Variants in PCDH11X observed in about 807,000 individuals in gnomAD.
PCDH11X encodes protocadherin-11 X-linked.
In PCDH11X, 18 loss-of-function variants were observed where a neutral mutation model predicts 53.3. The ratio of observed to expected loss-of-function variants is 0.34; its 90% CI spans 0.23 to 0.50. The LOEUF is 0.50. Ranked by LOEUF, PCDH11X falls within the 20% of genes least tolerant of loss-of-function variation. The pLI is 0.98. For synonymous variants in PCDH11X, 279 were observed against 393.3 expected (o/e 0.71, Z 3.44); for missense variants, 570 against 1,032.4 (o/e 0.55, Z 6.14).
At chrX:92,389,726 G>C (rs1302173770) in intron 9 of PCDH11X, among the ~76,000 whole-genome samples, 2 of 110,782 alleles carry the variant, frequency 1.8e-5, no homozygotes, top group African/African-American at 6.5e-5. Flanking sequence ...GAAATAAGTA[G>C]TTGTTTTAAA....
chrX:91,999,338 G>C (rs1028036658), intron 6 of PCDH11X, among the ~76,000 whole-genome samples: 1 of 111,549 alleles, frequency 9.0e-6, no homozygotes, highest in African/African-American at 3.3e-5. Context: ...ATTCAGTGCA[G>C]TTCTTTAAAG....
chrX:92,125,266 A>G lies in PCDH11X; in HGVS notation c.3034-76109A>G, dbSNP rs760735791. On this transcript the variant is annotated intron_variant, in intron 6 of 10. Transcript: ENST00000682573. The stretch of plus-strand genomic sequence containing the variant: ...CATTAAAAAATTACAATGGTAATGC[A>G]TGCAATAAAGTTATTCATATTGATT... 3.5e-3 allele frequency among the ~76,000 whole-genome samples: 393 copies of G among 111,816 alleles called. 2 individuals carry two copies. Among genetic ancestry groups the G allele is most frequent in the Non-Finnish European group, 6.2e-3 (330 of 53,197 alleles).
intron 5 of PCDH11X, among the ~76,000 whole-genome samples, chrX:91,865,018 T>G (rs1602386592): frequency 9.0e-6 from 1 of 111,160 alleles, no homozygotes; most frequent in East Asian, 2.9e-4. Context: ...TTGTCCTGGG[T>G]GACTTATTTA....
Position 91,876,937 on chromosome X carries a change from G to A in PCDH11X, c.697G>A (p.Ala233Thr). Reference protein sequence around the residue: ...DGGFPQRSSTAILQVSVTDTN... With the variant: ...DGGFPQRSSTTILQVSVTDTN... ...TGGCTTTCCTCAAAGATCCAGTACT[G>A]CTATTTTGCAAGTGAGTGTTACTGA... Residue 233 changes from alanine (A) to threonine (T), a missense_variant, in exon 6 of 11, where the codon GCT becomes ACT. By Grantham distance (58) the Ala-to-Thr change is moderately conservative. This residue lies in a region of PCDH11X where 15 missense variants were observed against 28.4 expected (regional missense o/e 0.53). Coordinates refer to ENST00000682573, the MANE Select transcript of PCDH11X (RefSeq NM_032968.5). 9 of 1,211,268 alleles carry A rather than the reference G, an allele frequency of 7.4e-6. No individual in the cohort carries two copies. The highest frequency in any genetic ancestry group is 1.0e-5 in the Non-Finnish European group (9 of 895,378).
At chrX:92,341,189 G>A (rs962928284) in intron 8 of PCDH11X, among the ~76,000 whole-genome samples, 9 of 111,588 alleles carry the variant, frequency 8.1e-5, no homozygotes, top group South Asian at 3.8e-4. Context: ...CTGCGAACAC[G>A]GCAGCCTGTA....
Position 92,210,674 on chromosome X carries a change from T to A in PCDH11X, c.3114+9219T>A, listed in dbSNP as rs2066569132. On this transcript the variant is annotated intron_variant, in intron 7 of 10. Transcript: ENST00000682573. ...GTTTATGCAAGTGAATATAGGCTCT[T>A]AGAAGCAGCCTGGTCACACCTTGAA... is the stretch of plus-strand genomic sequence containing the variant. Among the ~76,000 whole-genome samples, 4 of 112,030 alleles carry A rather than the reference T, an allele frequency of 3.6e-5. No individual in the cohort carries two copies. The Admixed American group carries it at 3.8e-4, about 11-fold the overall frequency.
intron 6 of PCDH11X, among the ~76,000 whole-genome samples, chrX:92,063,038 T>C (rs1320931192): frequency 1.8e-5 from 2 of 110,964 alleles, no homozygotes; most frequent in African/African-American, 6.6e-5. Flanking sequence ...TCATGTCCTT[T>C]GCAGGGACGT....
At chrX:92,366,424 A>C (rs1219241220) in intron 8 of PCDH11X, among the ~76,000 whole-genome samples, 2 of 110,802 alleles carry the variant, frequency 1.8e-5, no homozygotes, top group African/African-American at 6.6e-5. Flanking sequence ...TTTTAAAAAA[A>C]TCTTTTCATA....
chrX:92,280,616 T>A (rs955089753), intron 8 of PCDH11X, among the ~76,000 whole-genome samples: 11 of 110,680 alleles, frequency 9.9e-5, no homozygotes, highest in African/African-American at 3.3e-4. Context: ...ATTGTTCAGT[T>A]CTGAATCTTT....
Position 91,893,160 on chromosome X carries a change from A to C in PCDH11X, c.3033+13887A>C, listed in dbSNP as rs1183989968. On this transcript the variant is annotated intron_variant, in intron 6 of 10. Coordinates refer to ENST00000682573, the MANE Select transcript of PCDH11X (RefSeq NM_032968.5). ...CTGTAAACATCAGTTTCTGGAAACT[A>C]TTCCCAGAAAATTGTTACATTGCTT... Among the ~76,000 whole-genome samples, 27 of 110,569 alleles carry C rather than the reference A, an allele frequency of 2.4e-4. 2 individuals are homozygous for C. The highest frequency in any genetic ancestry group is 3.6e-4 in the Non-Finnish European group (19 of 52,954).
intron 6 of PCDH11X, among the ~76,000 whole-genome samples, chrX:92,017,652 C>G (rs1202020385): frequency 9.8e-6 from 1 of 101,938 alleles, no homozygotes; most frequent in African/African-American, 3.6e-5. Flanking sequence ...AGCTGAGAAG[C>G]CAAGATGGTG....
Position 91,879,938 on chromosome X carries a change from A to ACT in PCDH11X, c.3033+665_3033+666insCT, listed in dbSNP as rs1406668852. 7.1e-6 allele frequency: 5 copies of ACT among 706,712 alleles called. No homozygotes were observed. The African/African-American group carries it at 1.0e-4, about 15-fold the overall frequency. The allele number at this position is 706,712 out of a possible 1,213,427, so 58.2% of individuals were successfully genotyped here. ...AATGAAATATATATGAGGTCTCTGG[A>ACT]TAGCTATTTAAATATTTGCATATTT... On this transcript the variant is annotated intron_variant, in intron 6 of 10. Coordinates refer to ENST00000682573, the MANE Select transcript of PCDH11X (RefSeq NM_032968.5).
At chrX:92,379,624 G>T (rs375640915) in intron 8 of PCDH11X, among the ~76,000 whole-genome samples, 43,712 of 108,295 alleles carry the variant, frequency 0.4, 7,293 homozygotes, top group Non-Finnish European at 0.49. Flanking sequence ...GTCAGAGAAG[G>T]CCTGAAGCCT....
Position 91,855,827 on chromosome X carries a change from T to C in PCDH11X, c.540+19783T>C, listed in dbSNP as rs1282351644. Among the ~76,000 whole-genome samples, 3 of 111,757 alleles carry C rather than the reference T, an allele frequency of 2.7e-5. No individual in the cohort carries two copies. In the East Asian group the frequency reaches 8.4e-4, roughly 31 times the overall value. On this transcript the variant is annotated intron_variant, in intron 5 of 10. Coordinates refer to ENST00000682573, the MANE Select transcript of PCDH11X (RefSeq NM_032968.5). ...TCGCTGTTGGCATATAGAAGTGGTA[T>C]TGATTTTTGTATGTTGATTTTGGAT...
intron 6 of PCDH11X, among the ~76,000 whole-genome samples, chrX:92,097,245 A>G (rs141449023): frequency 0.036 from 3,910 of 109,166 alleles, 59 homozygotes; most frequent in African/African-American, 0.038. Flanking sequence ...ACGGAGACCC[A>G]TCTCTACAAA....
intron 8 of PCDH11X, among the ~76,000 whole-genome samples, chrX:92,360,084 A>C (rs1418957916): frequency 1.8e-5 from 2 of 110,996 alleles, no homozygotes; most frequent in African/African-American, 6.5e-5. Flanking sequence ...AAAGATCTGA[A>C]GTGTAAGTTT....
At position 91,922,184 on chromosome X, in the gene PCDH11X, C is replaced by A. The variant is rs1941767659; in HGVS notation, c.3033+42911C>A. Among the ~76,000 whole-genome samples the A allele has an allele frequency of 2.7e-5, 3 of 111,589 alleles. No individual in the cohort carries two copies. In the Admixed American group the frequency reaches 2.9e-4, roughly 11 times the overall value. ...ATTATAACTCGGTAATAATAGCTAA[C>A]CTGTATATAGCACTTAACTTTGTGC... On this transcript the variant is annotated intron_variant, in intron 6 of 10. Coordinates refer to ENST00000682573, the MANE Select transcript of PCDH11X (RefSeq NM_032968.5).
rs1433328056 is a variant in PCDH11X, at chrX:92,497,422, T to C, written c.3367+29100T>C. Among the ~76,000 whole-genome samples, 5 of 110,714 alleles carry C rather than the reference T, an allele frequency of 4.5e-5. No homozygotes were observed. In the East Asian group the frequency reaches 1.4e-3, roughly 32 times the overall value. ...ACTGAAATAGCTTTGTAAGAATTTT[T>C]TTTTTTTAACATATTCCCCACTAGA... On this transcript the variant is annotated intron_variant, in intron 10 of 10. Transcript: ENST00000682573.
At chrX:92,246,946 G>T (rs1027938991) in intron 7 of PCDH11X, among the ~76,000 whole-genome samples, 1 of 111,470 alleles carries the variant, frequency 9.0e-6, no homozygotes, top group Non-Finnish European at 1.9e-5. Context: ...GTATGTTGTT[G>T]TTATTCCAAT....
Sources: allele counts gnomAD v4.1 joint callset (sites outside exome capture counted in the v4.1 genomes callset), GRCh38; gene constraint gnomAD v4.1.1; regional missense constraint gnomAD v4.1.1; transcripts MANE v1.5; gene names NCBI Gene and HGNC (gene_info 2026-07-23, HGNC 2026-07-21).